The following FRMPD4 variants were observed in gnomAD, a reference collection of about 807,000 sequenced individuals.
FRMPD4 encodes FERM and PDZ domain containing 4.
Under a neutral mutation model 94.1 loss-of-function variants are expected in FRMPD4, and 22 were observed. That is an observed-to-expected ratio of 0.23 (90% confidence interval 0.17 to 0.33). The LOEUF (loss-of-function observed/expected upper bound fraction) is 0.33, where lower values mean the gene tolerates loss of function less well. Among genes scored for constraint, FRMPD4 ranks in the 10% least tolerant of loss-of-function variants. The probability of loss-of-function intolerance (pLI) is 1.00; values close to 1 mark genes in which losing one functional copy is unlikely to be tolerated. For synonymous variants in FRMPD4, 631 were observed against 548.6 expected (o/e 1.15, Z -2.10); for missense variants, 1,111 against 1,339.9 (o/e 0.83, Z 2.67).
chrX:12,391,721 G>A (rs2056477288), intron 1 of FRMPD4, among the ~76,000 whole-genome samples: 1 of 111,211 alleles, frequency 9.0e-6, no homozygotes, highest in African/African-American at 3.3e-5. Context: ...AGCTACCTAG[G>A]TGAGCTCCTC....
At chrX:11,968,597 C>T (rs960450782) in intron 3 of FRMPD4, among the ~76,000 whole-genome samples, 5 of 111,302 alleles carry the variant, frequency 4.5e-5, no homozygotes, top group African/African-American at 1.6e-4. Context: ...CTCAATCCCC[C>T]GTATGGCCTG....
intron 1 of FRMPD4, among the ~76,000 whole-genome samples, chrX:11,841,215 A>C (rs1171509646): frequency 1.8e-5 from 2 of 109,130 alleles, no homozygotes; most frequent in African/African-American, 3.4e-5. Flanking sequence ...ATACGTGTGC[A>C]TGTGTCTTTA....
intron 1 of FRMPD4, among the ~76,000 whole-genome samples, chrX:11,852,423 CAG>C (rs1472085111): frequency 4.0e-5 from 3 of 75,469 alleles, no homozygotes; most frequent in Non-Finnish European, 7.0e-5. Context: ...GCCTGGGTGA[CAG>C]AGTGAGACCC....
At chrX:11,960,526 A>T (rs2054278504) in intron 3 of FRMPD4, among the ~76,000 whole-genome samples, 1 of 112,333 alleles carries the variant, frequency 8.9e-6, no homozygotes, top group South Asian at 3.7e-4. Context: ...TTTGGCTCAA[A>T]GTGTGGTTAA....
At chrX:12,456,188 A>G (rs983777885) in intron 1 of FRMPD4, among the ~76,000 whole-genome samples, 3 of 112,299 alleles carry the variant, frequency 2.7e-5, no homozygotes, top group Non-Finnish European at 5.6e-5. Context: ...AATGCCAACT[A>G]CATAATATGA....
intron 3 of FRMPD4, among the ~76,000 whole-genome samples, chrX:11,974,316 C>T (rs1011253679): frequency 1.8e-5 from 2 of 110,691 alleles, no homozygotes; most frequent in African/African-American, 6.6e-5. Flanking sequence ...GGTTGTTAAA[C>T]AGAGCCTGGC....
chrX:12,368,490 C>A (rs760308591), intron 1 of FRMPD4, among the ~76,000 whole-genome samples: 1 of 108,752 alleles, frequency 9.2e-6, no homozygotes, highest in African/African-American at 3.3e-5. Flanking sequence ...TACTACCTGG[C>A]GAGGGAACAT....
Position 12,624,920 on chromosome X carries a change from A to G in FRMPD4, c.422+10039A>G, listed in dbSNP as rs140744316. Among the ~76,000 whole-genome samples the G allele has an allele frequency of 3.6e-3, 401 of 111,420 alleles. 2 individuals are homozygous for G. The highest frequency in any genetic ancestry group is 0.014 in the Middle Eastern group (3 of 216). On this transcript the variant is annotated intron_variant, in intron 4 of 16. Coordinates refer to ENST00000675598, the MANE Select transcript of FRMPD4 (RefSeq NM_001368397.1). The stretch of plus-strand genomic sequence containing the variant: ...GGATTAATAATAATAATATATAAGG[A>G]ACACAAACAGCTCAATAGGAAAAAA...
chrX:12,616,359 C>T (rs776098291), intron 4 of FRMPD4, among the ~76,000 whole-genome samples: 1 of 112,324 alleles, frequency 8.9e-6, no homozygotes, highest in Non-Finnish European at 1.9e-5. Context: ...TTGGACTTCA[C>T]TGCCTCCAGA....
At chrX:12,473,277 C>A (rs1053597076) in intron 1 of FRMPD4, among the ~76,000 whole-genome samples, 2 of 109,691 alleles carry the variant, frequency 1.8e-5, no homozygotes, top group Non-Finnish European at 3.8e-5. Context: ...TTTGTCACCA[C>A]CAGCCCTGCC....
chrX:11,871,654 C>T (rs1444110641), intron 2 of FRMPD4, among the ~76,000 whole-genome samples: 1 of 112,094 alleles, frequency 8.9e-6, no homozygotes, highest in East Asian at 2.8e-4. Context: ...TTGAGCATTG[C>T]AGCTAGACTG....
At chrX:12,548,773 G>A (rs1203035152) in intron 2 of FRMPD4, among the ~76,000 whole-genome samples, 1 of 112,098 alleles carries the variant, frequency 8.9e-6, no homozygotes, top group African/African-American at 3.2e-5. Flanking sequence ...ATCTAGTTGG[G>A]CCAGGCAGCA....
intron 1 of FRMPD4, among the ~76,000 whole-genome samples, chrX:12,198,372 C>G (rs111484249): frequency 9.0e-6 from 1 of 110,996 alleles, no homozygotes; most frequent in Non-Finnish European, 1.9e-5. Context: ...AGTGTGCACA[C>G]GAATCAGCAC....
intron 1 of FRMPD4, among the ~76,000 whole-genome samples, chrX:12,355,896 A>G (rs772490978): frequency 8.9e-6 from 1 of 111,861 alleles, no homozygotes; most frequent in African/African-American, 3.3e-5. Context: ...AGGAACGTCA[A>G]AGTGATTGCC....
intron 2 of FRMPD4, among the ~76,000 whole-genome samples, chrX:12,545,916 CTAAT>C (rs1278193913): frequency 8.9e-6 from 1 of 112,598 alleles, no homozygotes; most frequent in Non-Finnish European, 1.9e-5. Flanking sequence ...AATGAAAACT[CTAAT>C]TATCAGTCAG....
chrX:12,550,723 ACTC>A (rs1436362923), intron 2 of FRMPD4, among the ~76,000 whole-genome samples: 1 of 110,413 alleles, frequency 9.1e-6, no homozygotes, highest in African/African-American at 3.3e-5. Flanking sequence ...ATTTAATAAT[ACTC>A]CTCAATTCAT....
At chrX:12,132,573 G>A (rs1398913571) in intron 3 of FRMPD4, among the ~76,000 whole-genome samples, 1 of 111,865 alleles carries the variant, frequency 8.9e-6, no homozygotes, top group Non-Finnish European at 1.9e-5. Flanking sequence ...CCATCTCAAC[G>A]ATTCAAGGTT....
At chrX:12,679,480 G>A (rs897873126) in intron 5 of FRMPD4, among the ~76,000 whole-genome samples, 1 of 111,078 alleles carries the variant, frequency 9.0e-6, no homozygotes, top group Non-Finnish European at 1.9e-5. Context: ...CAAGAAAAGT[G>A]CGAGGGAATT....
intron 2 of FRMPD4, among the ~76,000 whole-genome samples, chrX:12,512,488 C>T (rs755924039): frequency 1.8e-5 from 2 of 112,654 alleles, no homozygotes; most frequent in East Asian, 2.8e-4. Context: ...TTTTCTGTTC[C>T]TGCATTAGTT....
Sources: gnomAD v4.1 joint callset for allele counts (sites outside exome capture counted in the v4.1 genomes callset) on GRCh38, gnomAD v4.1.1 for gene constraint, MANE v1.5 for transcripts, NCBI Gene and HGNC (gene_info 2026-07-23, HGNC 2026-07-21) for gene names.